CEP192: variants seen among roughly 807,000 people sequenced by gnomAD.
The protein encoded by CEP192 is centrosomal protein 192.
In CEP192, 151 loss-of-function variants were observed where a neutral mutation model predicts 271.8. The observed-to-expected ratio is 0.56, with a 90% CI of 0.49 to 0.64. CEP192 has a LOEUF of 0.64. Among genes scored for constraint, CEP192 ranks in the 30% least tolerant of loss-of-function variants. The pLI is 0.00. For synonymous variants in CEP192, 995 were observed against 1,076.5 expected (o/e 0.92, Z 1.48); for missense variants, 2,910 against 3,020.5 (o/e 0.96, Z 0.86).
chr18:13,098,752 G>A lies in CEP192; in HGVS notation c.6558-724G>A, dbSNP rs191776717. On this transcript the variant is annotated intron_variant, in intron 36 of 44. Coordinates refer to ENST00000506447, the MANE Select transcript of CEP192 (RefSeq NM_032142.4). ...CCCAGATGATGGGCGGCCAGGCAGA[G>A]ACGCTCCTCACTTCCCAGACGGGGT... 5.7e-3 allele frequency among the ~76,000 whole-genome samples: 872 copies of A among 152,114 alleles called. 13 individuals are homozygous for A. Among genetic ancestry groups the A allele is most frequent in the African/African-American group, 0.02 (817 of 41,520 alleles).
chr18:13,078,385 A>G (rs375591956), intron 30 of CEP192, among the ~76,000 whole-genome samples: 18 of 152,190 alleles, frequency 1.2e-4, no homozygotes, highest in African/African-American at 3.1e-4. Context: ...CAGTGCTGCA[A>G]TAAACATATG....
intron 30 of CEP192, among the ~76,000 whole-genome samples, chr18:13,075,167 C>T (rs1316892667): frequency 6.6e-6 from 1 of 152,188 alleles, no homozygotes; most frequent in African/African-American, 2.4e-5. Flanking sequence ...ATAAAAAGGC[C>T]TGAGGGAGGG....
intron 9 of CEP192, among the ~76,000 whole-genome samples, chr18:13,029,431 T>G (rs1036054937): frequency 6.6e-6 from 1 of 152,250 alleles, no homozygotes; most frequent in African/African-American, 2.4e-5. Flanking sequence ...TATGTAAATC[T>G]CTTGATGTGT....
chr18:13,053,095 G>A lies in CEP192; in HGVS notation c.3189+5G>A. 3 of 1,594,692 alleles carry A rather than the reference G, an allele frequency of 1.9e-6. No homozygotes were observed. The highest frequency in any genetic ancestry group is 2.6e-6 in the Non-Finnish European group (3 of 1,170,212). Reference sequence around the variant, plus strand: ...GATGCCCTGGAGGACCGCAAGGTGGGCAGCCACTTGGATTATTTATTACTA... The same window carrying A: ...GATGCCCTGGAGGACCGCAAGGTGGACAGCCACTTGGATTATTTATTACTA... On this transcript the variant is annotated splice_donor_5th_base_variant and intron_variant, in intron 18 of 44. Coordinates refer to ENST00000506447, the MANE Select transcript of CEP192 (RefSeq NM_032142.4).
chr18:13,080,113 G>A (rs2038513055), intron 30 of CEP192, among the ~76,000 whole-genome samples: 1 of 152,036 alleles, frequency 6.6e-6, no homozygotes, highest in Admixed American at 6.6e-5. Flanking sequence ...TGTCTTGGCA[G>A]TGCAGTCTCT....
Position 13,085,240 on chromosome 18 carries a change from A to AT in CEP192, c.5617-1768dup, listed in dbSNP as rs927333044. 2.2e-4 allele frequency among the ~76,000 whole-genome samples: 33 copies of AT among 150,426 alleles called. No individual in the cohort carries two copies. In the South Asian group the frequency reaches 2.7e-3, roughly 12 times the overall value. On this transcript the variant is annotated intron_variant, in intron 30 of 44. Coordinates refer to ENST00000506447, the MANE Select transcript of CEP192 (RefSeq NM_032142.4). ...TATCCTTTGCCCACTTTTTGATGGGATTTTTTTTTCTTGTAAATTTGTTCA... is the reference window on the plus strand; with the variant it reads ...TATCCTTTGCCCACTTTTTGATGGGATTTTTTTTTTCTTGTAAATTTGTTCA...
chr18:13,121,412 AG>A (rs772553434), intron 44 of CEP192, among the ~76,000 whole-genome samples: 1 of 152,206 alleles, frequency 6.6e-6, no homozygotes, highest in African/African-American at 2.4e-5. Context: ...GCACTAGCAC[AG>A]GAAAGTGGCT....
At chr18:13,121,735 T>C (rs975472058) in intron 44 of CEP192, among the ~76,000 whole-genome samples, 5 of 152,228 alleles carry the variant, frequency 3.3e-5, no homozygotes, top group Admixed American at 6.5e-5. Context: ...TTGTAGCTAA[T>C]AGGTTCCACC....
At chr18:13,121,824 A>G (rs1352748470) in intron 44 of CEP192, among the ~76,000 whole-genome samples, 2 of 152,218 alleles carry the variant, frequency 1.3e-5, no homozygotes, top group African/African-American at 2.4e-5. Context: ...GGAGAGAAGG[A>G]CAGTTCCTAG....
chr18:13,027,312 A>G (rs1431952354), intron 9 of CEP192, among the ~76,000 whole-genome samples: 4 of 152,190 alleles, frequency 2.6e-5, no homozygotes, highest in African/African-American at 9.7e-5. Context: ...CCCATACTGG[A>G]AGCCCAAGGG....
At chr18:13,110,048 G>A (rs1357055265) in intron 40 of CEP192, among the ~76,000 whole-genome samples, 2 of 152,088 alleles carry the variant, frequency 1.3e-5, no homozygotes, top group Admixed American at 1.3e-4. Context: ...TTATACCATT[G>A]TATAACTTTG....
At chr18:13,000,691 A>C (rs956681810) in intron 2 of CEP192, among the ~76,000 whole-genome samples, 1 of 152,256 alleles carries the variant, frequency 6.6e-6, no homozygotes, top group East Asian at 1.9e-4. Context: ...GTGGTGGCTC[A>C]TGCCTGTAAT....
intron 15 of CEP192, among the ~76,000 whole-genome samples, chr18:13,044,103 T>G (rs959908019): frequency 6.6e-6 from 1 of 152,168 alleles, no homozygotes; most frequent in Non-Finnish European, 1.5e-5. Context: ...GTTTCTTAAC[T>G]TTATTTTCTG....
At chr18:13,065,179 T>C (rs189772695) in intron 21 of CEP192, among the ~76,000 whole-genome samples, 127 of 152,072 alleles carry the variant, frequency 8.4e-4, no homozygotes, top group African/African-American at 3.0e-3. Context: ...ATAGTTGTTT[T>C]TTTTTTTTAA....
chr18:12,991,994 T>A (rs1451697953), intron 1 of CEP192, among the ~76,000 whole-genome samples: 1 of 152,208 alleles, frequency 6.6e-6, no homozygotes, highest in Non-Finnish European at 1.5e-5. Context: ...TCCTAATAGT[T>A]TACCTACATT....
rs2039653214 is a variant in CEP192 at position 13,100,484 on chromosome 18, T to C, written c.6843T>C (p.Phe2281=). The C allele has an allele frequency of 6.2e-7, 1 of 1,613,776 alleles. No individual in the cohort carries two copies. ...AAATAAGAAACAAGAGTATTACTTT[T>C]CCTACAACAGAACCTGGTGAAACTT... ...KVEIRNKSIT[F]PTTEPGETSE... is the part of the protein sequence containing the mutation. Residue 2281 remains phenylalanine, a synonymous_variant, in exon 38 of 45, where the codon TTT becomes TTC. Coordinates refer to ENST00000506447, the MANE Select transcript of CEP192 (RefSeq NM_032142.4).
intron 29 of CEP192, 61 bp downstream of exon 29, chr18:13,072,906 G>A: frequency 2.0e-6 from 3 of 1,522,464 alleles, no homozygotes; most frequent in Admixed American, 1.7e-5. Context: ...ACTTGCATAT[G>A]CAGACCTTTT....
intron 21 of CEP192, among the ~76,000 whole-genome samples, chr18:13,060,319 G>GA (rs2037341203): frequency 6.6e-6 from 1 of 152,248 alleles, no homozygotes; most frequent in East Asian, 1.9e-4. Flanking sequence ...AAAAGGTACA[G>GA]AAAAAATACA....
chr18:13,091,343 C>G (rs1416570844), intron 33 of CEP192, among the ~76,000 whole-genome samples: 1 of 152,128 alleles, frequency 6.6e-6, no homozygotes, highest in Non-Finnish European at 1.5e-5. Flanking sequence ...AGGACTCAGG[C>G]CAGGTCTTTG....
Sources: allele counts gnomAD v4.1 joint callset (sites outside exome capture counted in the v4.1 genomes callset), GRCh38; gene constraint gnomAD v4.1.1; transcripts MANE v1.5; gene names NCBI Gene and HGNC (gene_info 2026-07-23, HGNC 2026-07-21).